TTC28: variants seen among roughly 807,000 people sequenced by gnomAD.
TTC28 encodes the protein tetratricopeptide repeat domain 28, also known as tetratricopeptide repeat protein 28.
Under a neutral mutation model 198.0 loss-of-function variants are expected in TTC28, and 61 were observed. That is an observed-to-expected ratio of 0.31 (90% CI 0.25 to 0.38). The LOEUF is 0.38. Among genes scored for constraint, TTC28 ranks in the 10% least tolerant of loss-of-function variants. The pLI, the probability that TTC28 is intolerant of heterozygous loss-of-function variation, is 1.00. For missense variants in TTC28, 2,678 were observed against 3,164.0 expected, an observed-to-expected ratio of 0.85 and a Z score of 3.69; for synonymous variants, 1,171 against 1,297.8, an observed-to-expected ratio of 0.90 and a Z score of 2.10.
intron 12 of TTC28, among the ~76,000 whole-genome samples, chr22:28,032,164 G>C (rs1351218034): frequency 8.9e-6 from 1 of 112,664 alleles, no homozygotes; most frequent in Admixed American, 1.0e-4. Flanking sequence ...TCTACTTAGT[G>C]TGTGTATATA....
intron 2 of TTC28, among the ~76,000 whole-genome samples, chr22:28,604,121 T>C (rs2050686235): frequency 6.6e-6 from 1 of 150,708 alleles, no homozygotes. Flanking sequence ...CTACTAAAAA[T>C]ACAAAAATTA....
chr22:28,491,684 T>C (rs531198097), intron 2 of TTC28, among the ~76,000 whole-genome samples: 1 of 152,288 alleles, frequency 6.6e-6, no homozygotes, highest in East Asian at 1.9e-4. Flanking sequence ...AGTTCAACCA[T>C]TGTGGAAGTC....
intron 2 of TTC28, among the ~76,000 whole-genome samples, chr22:28,573,603 G>A (rs1052191229): frequency 6.6e-6 from 1 of 151,898 alleles, no homozygotes; most frequent in African/African-American, 2.4e-5. Flanking sequence ...AGATACATGA[G>A]ATATTTTGAT....
intron 13 of TTC28, among the ~76,000 whole-genome samples, chr22:28,023,603 G>A (rs1022318686): frequency 3.9e-4 from 60 of 152,224 alleles, no homozygotes; most frequent in African/African-American, 1.4e-3. Flanking sequence ...CAAACCTGTG[G>A]GGTCGAATTC....
chr22:28,324,300 C>T (rs1299099381), intron 2 of TTC28, among the ~76,000 whole-genome samples: 1 of 151,922 alleles, frequency 6.6e-6, no homozygotes, highest in East Asian at 1.9e-4. Flanking sequence ...AAAAATTCTA[C>T]CAAAGGTACA....
At chr22:28,472,794 A>G (rs1197977929) in intron 2 of TTC28, among the ~76,000 whole-genome samples, 1 of 152,176 alleles carries the variant, frequency 6.6e-6, no homozygotes, top group Admixed American at 6.5e-5. Flanking sequence ...GAAAAGGCCC[A>G]CCAAGTGACC....
At chr22:28,526,929 G>A (rs1428741748) in intron 2 of TTC28, among the ~76,000 whole-genome samples, 1 of 151,774 alleles carries the variant, frequency 6.6e-6, no homozygotes, top group East Asian at 1.9e-4. Context: ...GCTAATTTTT[G>A]TATTTTTTAG....
At chr22:28,428,412 T>A (rs1462012751) in intron 2 of TTC28, among the ~76,000 whole-genome samples, 1 of 152,114 alleles carries the variant, frequency 6.6e-6, no homozygotes, top group Non-Finnish European at 1.5e-5. Flanking sequence ...AATGCTTAGC[T>A]CTTATCATTT....
intron 2 of TTC28, among the ~76,000 whole-genome samples, chr22:28,512,105 C>A (rs866984027): frequency 9.4e-5 from 14 of 148,388 alleles, no homozygotes; most frequent in Admixed American, 2.7e-4. Context: ...AAAAAAAAAA[C>A]AAACAAACCC....
chr22:28,034,968 A>G (rs1256454479), intron 12 of TTC28, among the ~76,000 whole-genome samples: 1 of 152,212 alleles, frequency 6.6e-6, no homozygotes, highest in Non-Finnish European at 1.5e-5. Context: ...TCATGAATCA[A>G]GCACCTTGGA....
At position 27,983,674 on chromosome 22, in the gene TTC28, A is replaced by G. The variant is rs947846522; in HGVS notation, c.5993T>C (p.Ile1998Thr). The G allele has an allele frequency of 5.2e-6, 8 of 1,547,022 alleles. No individual in the cohort carries two copies. Among genetic ancestry groups the G allele is most frequent in the African/African-American group, 2.7e-5 (2 of 72,832 alleles). The change falls in exon 23 of 23, where the codon ATT becomes ACT. Residue 1998 changes from isoleucine (I) to threonine (T), a missense_variant. Physicochemically the swap from Ile to Thr is moderately conservative, Grantham distance 89 (BLOSUM62 -1). Transcript: ENST00000397906. ...GGAGACAAAGCTCATTGAGGAGGCA[A>G]TGGAGCTCAGACTGTACACAGAGAT... ...DAISVYSLSS[I>T]ASSMSFVSKP...
chr22:28,271,272 G>A (rs1932053449), intron 5 of TTC28, among the ~76,000 whole-genome samples: 1 of 151,988 alleles, frequency 6.6e-6, no homozygotes, highest in African/African-American at 2.4e-5. Context: ...TATACTCTTT[G>A]ACTGTGTGTT....
chr22:28,677,423 G>T (rs550581939), intron 1 of TTC28, among the ~76,000 whole-genome samples: 6 of 151,988 alleles, frequency 3.9e-5, no homozygotes, highest in Admixed American at 1.3e-4. Flanking sequence ...GAGGCAGGTG[G>T]ATCACCAGAG....
At chr22:28,321,423 T>G (rs2045444109) in intron 2 of TTC28, among the ~76,000 whole-genome samples, 1 of 152,248 alleles carries the variant, frequency 6.6e-6, no homozygotes, top group Non-Finnish European at 1.5e-5. Context: ...CATTGAATTT[T>G]ACAAGTATAA....
chr22:28,238,093 T>G lies in TTC28; in HGVS notation c.933+58105A>C, dbSNP rs564190721. 5.3e-5 allele frequency among the ~76,000 whole-genome samples: 8 copies of G among 152,294 alleles called. No homozygotes were observed. The South Asian group carries it at 1.7e-3, about 32-fold the overall frequency. On this transcript the variant is annotated intron_variant, in intron 5 of 22. Coordinates refer to ENST00000397906, the MANE Select transcript of TTC28 (RefSeq NM_001145418.2). ...TGCCTAGTTGTGACTTACTTTATGT[T>G]TTTACTGCACGAATGGGGTTGACAG...
At position 28,309,183 on chromosome 22, in the gene TTC28, G is replaced by T. The variant is rs956862299; in HGVS notation, c.382-2540C>A. On this transcript the variant is annotated intron_variant, in intron 2 of 22. Transcript: ENST00000397906. The stretch of plus-strand genomic sequence containing the variant: ...TTTTTGTTATTAGCTAATGGGAAAA[G>T]AATCTTAATAAGAACACATAATTAT... Among the ~76,000 whole-genome samples, 6 of 152,148 alleles carry T rather than the reference G, an allele frequency of 3.9e-5. No homozygotes were observed. In the East Asian group the frequency reaches 9.6e-4, roughly 24 times the overall value.
At chr22:28,080,130 G>T (rs1264671082) in intron 12 of TTC28, among the ~76,000 whole-genome samples, 1 of 152,128 alleles carries the variant, frequency 6.6e-6, no homozygotes, top group East Asian at 1.9e-4. Context: ...CCTACCCCCT[G>T]GCTATTATGA....
chr22:28,507,483 C>G lies in TTC28; in HGVS notation c.381+122069G>C, dbSNP rs1231274635. On this transcript the variant is annotated intron_variant, in intron 2 of 22. Transcript: ENST00000397906. ...GAATGGAACCAAGTTGGAAAACATA[C>G]TTCAAAATATCATCCAGGAGAACTT... is the stretch of plus-strand genomic sequence containing the variant. Among the ~76,000 whole-genome samples the G allele has an allele frequency of 3.3e-5, 5 of 152,288 alleles. No homozygotes were observed. In the East Asian group the frequency reaches 9.6e-4, roughly 29 times the overall value.
chr22:28,400,993 T>A (rs1383625823), intron 2 of TTC28, among the ~76,000 whole-genome samples: 2 of 152,184 alleles, frequency 1.3e-5, no homozygotes, highest in African/African-American at 2.4e-5. Context: ...TATTTTAAGT[T>A]GATGTTTTAG....
Sources: gnomAD v4.1 joint callset for allele counts (sites outside exome capture counted in the v4.1 genomes callset) on GRCh38, gnomAD v4.1.1 for gene constraint, MANE v1.5 for transcripts, NCBI Gene and HGNC (gene_info 2026-07-23, HGNC 2026-07-21) for gene names.